PPM1E: variants seen among roughly 807,000 people sequenced by gnomAD.
The protein encoded by PPM1E is protein phosphatase 1E.
PPM1E carries 20 observed loss-of-function variants against 65.9 expected under a neutral mutation model. The observed-to-expected ratio is 0.30, with a 90% CI of 0.21 to 0.44. PPM1E has a LOEUF of 0.44. Ranked by LOEUF, PPM1E falls within the 20% of genes least tolerant of loss-of-function variation. The pLI, the probability that PPM1E is intolerant of heterozygous loss-of-function variation, is 1.00. For synonymous variants in PPM1E, 352 were observed against 374.9 expected (o/e 0.94, Z 0.70); for missense variants, 713 against 953.1 (o/e 0.75, Z 3.32).
intron 1 of PPM1E, among the ~76,000 whole-genome samples, chr17:58,841,402 A>C (rs1249890831): frequency 1.3e-5 from 2 of 152,238 alleles, no homozygotes; most frequent in African/African-American, 4.8e-5. Flanking sequence ...ATAAACAGTC[A>C]TAAATCATGT....
intron 1 of PPM1E, among the ~76,000 whole-genome samples, chr17:58,806,338 G>A (rs925175540): frequency 6.6e-6 from 1 of 151,770 alleles, no homozygotes; most frequent in Non-Finnish European, 1.5e-5. Flanking sequence ...TAAGCTATGT[G>A]GGAAAGGGAT....
intron 1 of PPM1E, among the ~76,000 whole-genome samples, chr17:58,851,550 A>G (rs1167010409): frequency 6.6e-6 from 1 of 152,226 alleles, no homozygotes; most frequent in African/African-American, 2.4e-5. Flanking sequence ...GGTCCACTCC[A>G]GACACTGTTT....
chr17:58,867,941 C>T (rs1216666918), intron 1 of PPM1E, among the ~76,000 whole-genome samples: 1 of 152,174 alleles, frequency 6.6e-6, no homozygotes, highest in Non-Finnish European at 1.5e-5. Flanking sequence ...GTATTTGTTA[C>T]ACCCACCATC....
At chr17:58,820,733 C>G (rs1356463166) in intron 1 of PPM1E, among the ~76,000 whole-genome samples, 1 of 151,946 alleles carries the variant, frequency 6.6e-6, no homozygotes, top group African/African-American at 2.4e-5. Context: ...AAATTATTGT[C>G]CATGTGCTGT....
intron 1 of PPM1E, among the ~76,000 whole-genome samples, chr17:58,759,172 A>T (rs1260435621): frequency 6.6e-6 from 1 of 151,994 alleles, no homozygotes; most frequent in Non-Finnish European, 1.5e-5. Flanking sequence ...GGGAGGCTGA[A>T]GTGGGAGGCT....
intron 1 of PPM1E, among the ~76,000 whole-genome samples, chr17:58,907,414 G>T (rs1455514562): frequency 6.6e-6 from 1 of 151,858 alleles, no homozygotes; most frequent in Non-Finnish European, 1.5e-5. Context: ...CCAGAATGTG[G>T]TCTATCTGGA....
intron 1 of PPM1E, among the ~76,000 whole-genome samples, chr17:58,925,187 C>G (rs1393776583): frequency 1.3e-5 from 2 of 152,114 alleles, no homozygotes; most frequent in Non-Finnish European, 2.9e-5. Context: ...AATTTACACT[C>G]CCACCAACAG....
At chr17:58,894,685 T>C (rs1428011873) in intron 1 of PPM1E, among the ~76,000 whole-genome samples, 1 of 148,764 alleles carries the variant, frequency 6.7e-6, no homozygotes, top group Non-Finnish European at 1.5e-5. Context: ...CACACATACA[T>C]ATACACACAA....
In PPM1E at chr17:58,946,286, G is replaced by A. The variant is rs117363556; in HGVS notation, c.465-9363G>A. Reference sequence around the variant, plus strand: ...GGGGCTCTGTGTCAGGAACCAAGGCGGAGGACAAATATTTATTTCCAATTA... The same window carrying A: ...GGGGCTCTGTGTCAGGAACCAAGGCAGAGGACAAATATTTATTTCCAATTA... On this transcript the variant is annotated intron_variant, in intron 1 of 6. Coordinates refer to ENST00000308249, the MANE Select transcript of PPM1E (RefSeq NM_014906.5). 4.9e-4 allele frequency among the ~76,000 whole-genome samples: 74 copies of A among 152,270 alleles called. No individual in the cohort carries two copies. The East Asian group carries it at 0.013, about 26-fold the overall frequency.
At chr17:58,913,181 T>TA (rs1319364973) in intron 1 of PPM1E, among the ~76,000 whole-genome samples, 1 of 152,164 alleles carries the variant, frequency 6.6e-6, no homozygotes, top group African/African-American at 2.4e-5. Context: ...TCCAAGTAGA[T>TA]AGAGTCAGAA....
intron 1 of PPM1E, among the ~76,000 whole-genome samples, chr17:58,886,769 T>C (rs1011153782): frequency 1.3e-5 from 2 of 152,160 alleles, no homozygotes; most frequent in African/African-American, 2.4e-5. Context: ...AACATTACGC[T>C]AAGTGAAAGA....
rs2031322609 is a variant in PPM1E, at chr17:58,980,950, G to T, written c.2187G>T (p.Gly729=). The stretch of plus-strand genomic sequence containing the variant: ...CATGGAGGCAAAATAGTTGGAAAGG[G>T]TACAGTGAAAACATGAGGAAGCTCA... ...SLPWRQNSWK[G]YSENMRKLRK... The change falls in exon 7 of 7, where the codon GGG becomes GGT. Residue 729 remains glycine, a synonymous_variant. Transcript: ENST00000308249. The surrounding 1 kb of genome is among the most constrained non-coding windows in gnomAD (Gnocchi z 4.7). 1 of 1,614,078 alleles carries T rather than the reference G, an allele frequency of 6.2e-7. No individual in the cohort carries two copies. Among genetic ancestry groups the T allele is most frequent in the African/African-American group, 1.3e-5 (1 of 74,942 alleles).
At chr17:58,877,164 A>G (rs1168248358) in intron 1 of PPM1E, among the ~76,000 whole-genome samples, 1 of 152,200 alleles carries the variant, frequency 6.6e-6, no homozygotes, top group Non-Finnish European at 1.5e-5. Context: ...TTTCAAATAG[A>G]CATAAAATGT....
At chr17:58,756,726 C>T (rs2049770790) in intron 1 of PPM1E, among the ~76,000 whole-genome samples, 1 of 152,120 alleles carries the variant, frequency 6.6e-6, no homozygotes, top group Non-Finnish European at 1.5e-5. Flanking sequence ...GGCGCCCTCC[C>T]GCCGGGCCCG....
intron 1 of PPM1E, among the ~76,000 whole-genome samples, chr17:58,791,230 T>A (rs1473573264): frequency 6.6e-6 from 1 of 152,142 alleles, no homozygotes; most frequent in Non-Finnish European, 1.5e-5. Context: ...TTTGAGTGGT[T>A]TATTATGCAG....
At chr17:58,825,630 C>T (rs1209808819) in intron 1 of PPM1E, among the ~76,000 whole-genome samples, 1 of 151,846 alleles carries the variant, frequency 6.6e-6, no homozygotes, top group Non-Finnish European at 1.5e-5. Context: ...AATCTTGGCT[C>T]ACTGCAACCT....
At chr17:58,780,559 T>C (rs2050040671) in intron 1 of PPM1E, among the ~76,000 whole-genome samples, 1 of 152,230 alleles carries the variant, frequency 6.6e-6, no homozygotes, top group Non-Finnish European at 1.5e-5. Context: ...CTTCTGTGAT[T>C]TGCTTGTTTA....
Position 58,984,552 on chromosome 17 carries a change from C to CCAT in PPM1E, c.*3522_*3524dup, listed in dbSNP as rs375778570. The CCAT allele has an allele frequency of 1.0e-4, 16 of 152,600 alleles. No homozygotes were observed. Among genetic ancestry groups the CCAT allele is most frequent in the Middle Eastern group, 3.4e-3 (1 of 294 alleles). 9.5% of individuals were successfully genotyped at this position (152,600 alleles called of 1,614,324 possible). A position where few individuals can be genotyped will look rare whatever the true frequency, so the allele number is the denominator to read the frequency against. On this transcript the variant is annotated 3_prime_UTR_variant, in exon 7 of 7. Coordinates refer to ENST00000308249, the MANE Select transcript of PPM1E (RefSeq NM_014906.5). The stretch of plus-strand genomic sequence containing the variant: ...GTTTTGTCCACACTTTAATTTGAGA[C>CCAT]CATTTTTCTTTGAATCGTAAGTTAG...
At chr17:58,862,467 C>T (rs888226178) in intron 1 of PPM1E, among the ~76,000 whole-genome samples, 3 of 152,156 alleles carry the variant, frequency 2.0e-5, no homozygotes, top group African/African-American at 7.2e-5. Context: ...AAGAATTTTA[C>T]TTACTGCTAA....
Sources: gnomAD v4.1 joint callset for allele counts (sites outside exome capture counted in the v4.1 genomes callset) on GRCh38, gnomAD v4.1.1 for gene constraint, Gnocchi (gnomAD v3.1) non-coding constraint, MANE v1.5 for transcripts, NCBI Gene and HGNC (gene_info 2026-07-23, HGNC 2026-07-21) for gene names.